The following ATXN10 variants were observed in gnomAD, a reference collection of about 807,000 sequenced individuals.
The protein encoded by ATXN10 is ataxin 10.
In ATXN10, 28 loss-of-function variants were observed where a neutral mutation model predicts 52.9. The observed-to-expected ratio is 0.53, with a 90% CI of 0.39 to 0.73. The LOEUF is 0.73. ATXN10 is among the 30% of genes least tolerant of loss of function. ATXN10 has a pLI of 0.00. For synonymous variants in ATXN10, 226 were observed against 221.5 expected (o/e 1.02, Z -0.18); for missense variants, 565 against 577.0 (o/e 0.98, Z 0.21).
At chr22:45,691,492 G>A (rs1157775725) in intron 2 of ATXN10, among the ~76,000 whole-genome samples, 1 of 152,254 alleles carries the variant, frequency 6.6e-6, no homozygotes, top group African/African-American at 2.4e-5. Context: ...TTGTCTGAGA[G>A]TCACTTGTTA....
intron 9 of ATXN10, among the ~76,000 whole-genome samples, chr22:45,782,124 G>A (rs1407371417): frequency 6.6e-6 from 1 of 152,152 alleles, no homozygotes; most frequent in Non-Finnish European, 1.5e-5. Context: ...CAACTCTCTG[G>A]AAATTTTCAT....
chr22:45,821,241 G>A lies in ATXN10; in HGVS notation c.1237+14219G>A, dbSNP rs55780466. Among the ~76,000 whole-genome samples the A allele has an allele frequency of 3.0e-3, 449 of 151,958 alleles. 4 individuals carry two copies. The highest frequency in any genetic ancestry group is 0.01 in the African/African-American group (426 of 41,418). On this transcript the variant is annotated intron_variant, in intron 10 of 11. Coordinates refer to ENST00000252934, the MANE Select transcript of ATXN10 (RefSeq NM_013236.4). ...TTGTAGAAACGAGTACAATTACCAG[G>A]CATAGTGGCTCACGCCTCCCAGCTA...
chr22:45,730,250 G>A (rs557904963), intron 7 of ATXN10, among the ~76,000 whole-genome samples: 2 of 151,828 alleles, frequency 1.3e-5, no homozygotes, highest in South Asian at 4.2e-4. Context: ...AGGCTGAGGT[G>A]GGAGGGTCAC....
At chr22:45,707,570 G>GA (rs1924090358) in intron 5 of ATXN10, among the ~76,000 whole-genome samples, 1 of 149,270 alleles carries the variant, frequency 6.7e-6, no homozygotes, top group Non-Finnish European at 1.5e-5. Context: ...ATCATCTGCA[G>GA]TTTTTTTTTA....
rs1355892815 is a variant in ATXN10, at chr22:45,733,341, T to C, written c.894+3751T>C. ...AATACATATTCTACAATAAATAGTGTATTTTTTCCACATATTAAGGGCTTA... is the reference window on the plus strand; with the variant it reads ...AATACATATTCTACAATAAATAGTGCATTTTTTCCACATATTAAGGGCTTA... On this transcript the variant is annotated intron_variant, in intron 7 of 11. Coordinates refer to ENST00000252934, the MANE Select transcript of ATXN10 (RefSeq NM_013236.4). The surrounding 1 kb of genome is among the most constrained non-coding windows in gnomAD (Gnocchi z 4.4). Among the ~76,000 whole-genome samples the C allele has an allele frequency of 6.6e-6, 1 of 152,260 alleles. No individual in the cohort carries two copies. The highest frequency in any genetic ancestry group is 1.5e-5 in the Non-Finnish European group (1 of 68,038).
chr22:45,710,922 G>GCAGATAAGCCTGGTTCTCCTGAAC (rs1924222853), intron 5 of ATXN10, among the ~76,000 whole-genome samples: 1 of 152,114 alleles, frequency 6.6e-6, no homozygotes, highest in Non-Finnish European at 1.5e-5. Context: ...CTTATCTGAA[G>GCAGATAAGCCTGGTTCTCCTGAAC]CAGATAAGCC....
In ATXN10 at chr22:45,770,371, G is replaced by A. The variant is rs189959584; in HGVS notation, c.1173+29833G>A. On this transcript the variant is annotated intron_variant, in intron 9 of 11. Transcript: ENST00000252934. The surrounding 1 kb of genome is among the most constrained non-coding windows in gnomAD (Gnocchi z 4.5). ...CACATTGTAATAAGTACTGTCGCTG[G>A]TTGGGACAGGTGATGTGAAAAAGAG... Among the ~76,000 whole-genome samples, 429 of 152,300 alleles carry A rather than the reference G, an allele frequency of 2.8e-3. 4 individuals are homozygous for A. Among genetic ancestry groups the A allele is most frequent in the Admixed American group, 7.3e-3 (112 of 15,306 alleles).
In ATXN10 at chr22:45,835,765, C is replaced by T. The variant is rs574682405; in HGVS notation, c.1238-7226C>T. 1.3e-5 allele frequency among the ~76,000 whole-genome samples: 2 copies of T among 152,206 alleles called. No individual in the cohort carries two copies. The highest frequency in any genetic ancestry group is 2.4e-5 in the African/African-American group (1 of 41,442). ...TCTTTCTTATAGTGTGTATTAAATGCAAATCTTACTCTATATTCTTCAGAT... is the reference window on the plus strand; with the variant it reads ...TCTTTCTTATAGTGTGTATTAAATGTAAATCTTACTCTATATTCTTCAGAT... On this transcript the variant is annotated intron_variant, in intron 10 of 11. Transcript: ENST00000252934. The surrounding 1 kb of genome is among the most constrained non-coding windows in gnomAD (Gnocchi z 5.0).
rs1927362350 is a variant in ATXN10, at chr22:45,787,560, G to T, written c.1174-19399G>T. 1.3e-5 allele frequency among the ~76,000 whole-genome samples: 2 copies of T among 152,182 alleles called. No homozygotes were observed. Among genetic ancestry groups the T allele is most frequent in the Admixed American group, 6.5e-5 (1 of 15,284 alleles). ...GTAGACTTACTGTATGGGAAGGAATGCTGTCCAGTCGTCTTGAGTTGAACG... is the reference window on the plus strand; with the variant it reads ...GTAGACTTACTGTATGGGAAGGAATTCTGTCCAGTCGTCTTGAGTTGAACG... On this transcript the variant is annotated intron_variant, in intron 9 of 11. Coordinates refer to ENST00000252934, the MANE Select transcript of ATXN10 (RefSeq NM_013236.4). This position sits in a 1 kb window ranked among gnomAD's most constrained non-coding sequence, Gnocchi z 4.2.
At chr22:45,761,028 A>G (rs761446913) in intron 9 of ATXN10, among the ~76,000 whole-genome samples, 2 of 152,234 alleles carry the variant, frequency 1.3e-5, no homozygotes, top group Non-Finnish European at 2.9e-5. Flanking sequence ...TCTTTCAGGT[A>G]GCTTATTCTG....
rs1419967419 is a variant in ATXN10 at position 45,762,667 on chromosome 22, T to G, written c.1173+22129T>G. Reference sequence around the variant, plus strand: ...GCATGAACCAAGGGGCTTCCAGGCCTCAGGGACTGCCTCCTGGTCCCCCAG... The same window carrying G: ...GCATGAACCAAGGGGCTTCCAGGCCGCAGGGACTGCCTCCTGGTCCCCCAG... On this transcript the variant is annotated intron_variant, in intron 9 of 11. Transcript: ENST00000252934. The surrounding 1 kb of genome is among the most constrained non-coding windows in gnomAD (Gnocchi z 4.3). Among the ~76,000 whole-genome samples the G allele has an allele frequency of 1.3e-5, 2 of 152,186 alleles. No homozygotes were observed. The highest frequency in any genetic ancestry group is 4.8e-5 in the African/African-American group (2 of 41,448).
intron 9 of ATXN10, among the ~76,000 whole-genome samples, chr22:45,747,801 G>A (rs1219914045): frequency 6.6e-6 from 1 of 152,042 alleles, no homozygotes; most frequent in Non-Finnish European, 1.5e-5. Context: ...ATGTGATCAT[G>A]TATAGGAAGT....
In ATXN10 at chr22:45,712,584, G is replaced by A. The variant is rs1282038994; in HGVS notation, c.648-5829G>A. Among the ~76,000 whole-genome samples, 1 of 152,132 alleles carries A rather than the reference G, an allele frequency of 6.6e-6. No homozygotes were observed. Among genetic ancestry groups the A allele is most frequent in the African/African-American group, 2.4e-5 (1 of 41,434 alleles). On this transcript the variant is annotated intron_variant, in intron 5 of 11. Transcript: ENST00000252934. This position sits in a 1 kb window ranked among gnomAD's most constrained non-coding sequence, Gnocchi z 4.6. ...TGTGCTCTTAATCTGTACACCCACT[G>A]CCTCCCTTAGAGGACGACATTAAAG...
At chr22:45,693,106 T>G (rs1433371764) in intron 3 of ATXN10, 28 bp downstream of exon 3, 1 of 1,573,232 alleles carries the variant, frequency 6.4e-7, no homozygotes, top group African/African-American at 1.3e-5. Flanking sequence ...TCATGGATTA[T>G]TTATATCTTT....
chr22:45,832,077 T>C (rs901302020), intron 10 of ATXN10, among the ~76,000 whole-genome samples: 5 of 152,214 alleles, frequency 3.3e-5, no homozygotes, highest in Non-Finnish European at 5.9e-5. Flanking sequence ...TCTGTATTAT[T>C]CCAAAATTTT....
At chr22:45,725,350 T>G (rs78106213) in intron 6 of ATXN10, among the ~76,000 whole-genome samples, 35,970 of 151,722 alleles carry the variant, frequency 0.24, 5,023 homozygotes, top group Non-Finnish European at 0.31. Context: ...TTTATAGTTT[T>G]CCTTGTAGAG....
rs1468162937 is a variant in ATXN10 at position 45,770,125 on chromosome 22, TA to T, written c.1173+29588del. 6.6e-6 allele frequency among the ~76,000 whole-genome samples: 1 copy of T among 152,174 alleles called. No homozygotes were observed. Among genetic ancestry groups the T allele is most frequent in the Non-Finnish European group, 1.5e-5 (1 of 68,022 alleles). ...CTGTGCTTTCTGTATGCCATTTACC[TA>T]GGAGAGGTGTTACTCCTGTCTTACA... On this transcript the variant is annotated intron_variant, in intron 9 of 11. Transcript: ENST00000252934. This position sits in a 1 kb window ranked among gnomAD's most constrained non-coding sequence, Gnocchi z 4.5.
At chr22:45,720,360 G>T (rs1247017705) in intron 6 of ATXN10, among the ~76,000 whole-genome samples, 8 of 147,862 alleles carry the variant, frequency 5.4e-5, no homozygotes, top group African/African-American at 2.0e-4. Flanking sequence ...GTCTTGCTGT[G>T]TGTTGCCCAA....
At chr22:45,813,477 C>T (rs1191825704) in intron 10 of ATXN10, among the ~76,000 whole-genome samples, 2 of 132,216 alleles carry the variant, frequency 1.5e-5, no homozygotes, top group Non-Finnish European at 3.1e-5. Context: ...TTAATGGAAA[C>T]ACCTAATTTG....
Sources: gnomAD v4.1 joint callset for allele counts (sites outside exome capture counted in the v4.1 genomes callset) on GRCh38, gnomAD v4.1.1 for gene constraint, Gnocchi (gnomAD v3.1) non-coding constraint, MANE v1.5 for transcripts, NCBI Gene and HGNC (gene_info 2026-07-23, HGNC 2026-07-21) for gene names.